The following TMEM201 variants were observed in gnomAD, a reference collection of about 807,000 sequenced individuals.
The protein encoded by TMEM201 is RP13-15M17.2.
TMEM201 carries 26 observed loss-of-function variants against 63.4 expected under a neutral mutation model. That is an observed-to-expected ratio of 0.41 (90% confidence interval 0.30 to 0.57). The LOEUF is 0.57. Among genes scored for constraint, TMEM201 ranks in the 20% least tolerant of loss-of-function variants. TMEM201 has a pLI of 0.29. For synonymous variants in TMEM201, 417 were observed against 421.6 expected, an observed-to-expected ratio of 0.99 and a Z score of 0.14; for missense variants, 794 against 917.7, an observed-to-expected ratio of 0.87 and a Z score of 1.74.
Position 9,604,876 on chromosome 1 carries a change from ACCATCGCGCCTGG to A in TMEM201, c.1160+2607_1160+2619del. On this transcript the variant is annotated intron_variant, in intron 6 of 10. Transcript: ENST00000340381. This position sits in a 1 kb window ranked among gnomAD's most constrained non-coding sequence, Gnocchi z 4.1. ...GTCTAGTGACCCTCTCATCACTGTA[ACCATCGCGCCTGG>A]CCTAGATGTCGTGTTTTGGATGCTG... 1.0e-6 allele frequency: 1 copy of A among 985,912 alleles called. No homozygotes were observed. Among genetic ancestry groups the A allele is most frequent in the Non-Finnish European group, 1.2e-6 (1 of 829,978 alleles). The allele number at this position is 985,912 out of a possible 1,614,324, so 61.1% of individuals were successfully genotyped here.
intron 6 of TMEM201, chr1:9,602,486 C>A (rs1644165042): frequency 1.4e-6 from 2 of 1,426,670 alleles, no homozygotes; most frequent in East Asian, 5.1e-5. Flanking sequence ...CACCAGCCAT[C>A]CCCGAGTGCC....
intron 1 of TMEM201, among the ~76,000 whole-genome samples, chr1:9,590,026 G>T (rs1189094693): frequency 6.6e-6 from 1 of 152,184 alleles, no homozygotes; most frequent in Non-Finnish European, 1.5e-5. Context: ...TCTCCTCCAG[G>T]GGGGAAACGG....
Position 9,603,014 on chromosome 1 carries a change from ACAGG to A in TMEM201, c.1160+746_1160+749del. 4 of 985,524 alleles carry A rather than the reference ACAGG, an allele frequency of 4.1e-6. No homozygotes were observed. The highest frequency in any genetic ancestry group is 4.8e-6 in the Non-Finnish European group (4 of 830,016). 61.0% of individuals were successfully genotyped at this position (985,524 alleles called of 1,614,324 possible). The stretch of plus-strand genomic sequence containing the variant: ...TTTGGGGAGCGAGACCCCACCTGAG[ACAGG>A]CAGTAGGAGCCTGTGCTGACCTTGG... On this transcript the variant is annotated intron_variant, in intron 6 of 10. Transcript: ENST00000340381. The surrounding 1 kb of genome is among the most constrained non-coding windows in gnomAD (Gnocchi z 4.5).
intron 1 of TMEM201, among the ~76,000 whole-genome samples, chr1:9,592,918 T>G (rs1385000247): frequency 6.6e-6 from 1 of 152,190 alleles, no homozygotes; most frequent in Non-Finnish European, 1.5e-5. Context: ...CTGGAACCGT[T>G]GTGGGCAGGG....
chr1:9,602,188 C>A lies in TMEM201; in HGVS notation c.1076C>A (p.Thr359Asn), dbSNP rs752870796. Residue 359 changes from threonine to asparagine, a missense_variant, in exon 6 of 11, where the codon ACC (threonine) becomes AAC (asparagine). Transcript: ENST00000340381. ...TGGCTAGACACGCTCAAGTTCAGCA[C>A]CACATCTTTGTGCTGCCTGGTTGGC... ...PSWLDTLKFS[T>N]TSLCCLVGFT... 1 of 1,613,230 alleles carries A rather than the reference C, an allele frequency of 6.2e-7. No individual in the cohort carries two copies. Among genetic ancestry groups the A allele is most frequent in the East Asian group, 2.2e-5 (1 of 44,878 alleles).
chr1:9,610,879 G>C lies in TMEM201; in HGVS notation c.1765+74G>C, dbSNP rs534098803. 4,065 of 1,491,678 alleles carry C rather than the reference G, an allele frequency of 2.7e-3. 38 individuals carry two copies. Among genetic ancestry groups the C allele is most frequent in the South Asian group, 0.02 (1,513 of 77,272 alleles). The allele number at this position is 1,491,678 out of a possible 1,614,324, so 92.4% of individuals were successfully genotyped here. A position where few individuals can be genotyped will look rare whatever the true frequency, so the allele number is the denominator to read the frequency against. On this transcript the variant is annotated intron_variant, in intron 9 of 10. Coordinates refer to ENST00000340381, the MANE Select transcript of TMEM201 (RefSeq NM_001130924.3). The surrounding 1 kb of genome is among the most constrained non-coding windows in gnomAD (Gnocchi z 4.9). The stretch of plus-strand genomic sequence containing the variant: ...CAAGAGGCCTGGCTGTGCGGCGGTG[G>C]GGGGGCTCATCCTTGCTCTGACTCC...
rs1025715369 is a variant in TMEM201 at position 9,604,937 on chromosome 1, G to A, written c.1161-2620G>A. 2.0e-6 allele frequency: 2 copies of A among 985,740 alleles called. No individual in the cohort carries two copies. The highest frequency in any genetic ancestry group is 2.4e-6 in the Non-Finnish European group (2 of 829,966). The allele number at this position is 985,740 out of a possible 1,614,324, so 61.1% of individuals were successfully genotyped here. A position where few individuals can be genotyped will look rare whatever the true frequency, so the allele number is the denominator to read the frequency against. On this transcript the variant is annotated intron_variant, in intron 6 of 10. Transcript: ENST00000340381. This position sits in a 1 kb window ranked among gnomAD's most constrained non-coding sequence, Gnocchi z 4.1. ...CTGTGTTTTCAATAAATGCCTCTGG[G>A]GCCCTGCTTTTACCCGCTGGCGTCA...
intron 1 of TMEM201, among the ~76,000 whole-genome samples, chr1:9,591,534 G>A (rs966649196): frequency 2.6e-5 from 4 of 152,250 alleles, no homozygotes; most frequent in Admixed American, 6.5e-5. Flanking sequence ...TCCCCTGGAC[G>A]CTGCTGCTCG....
chr1:9,601,812 C>T (rs558656740), intron 5 of TMEM201, among the ~76,000 whole-genome samples: 6 of 152,292 alleles, frequency 3.9e-5, no homozygotes, highest in South Asian at 2.1e-4. Context: ...GCTGTGTCCC[C>T]GTCGCCCCTG....
Position 9,610,471 on chromosome 1 carries a change from G to A in TMEM201, c.1466-35G>A, listed in dbSNP as rs140667569. On this transcript the variant is annotated intron_variant, in intron 8 of 10. Transcript: ENST00000340381. This position sits in a 1 kb window ranked among gnomAD's most constrained non-coding sequence, Gnocchi z 4.9. Reference sequence around the variant, plus strand: ...GCATTGTAGCGTTGCAGTGACAGGAGCCCACGTTCACATCATCTTCCTCCC... The same window carrying A: ...GCATTGTAGCGTTGCAGTGACAGGAACCCACGTTCACATCATCTTCCTCCC... The A allele has an allele frequency of 6.9e-3, 10,159 of 1,477,054 alleles. 43 individuals are homozygous for A. The highest frequency in any genetic ancestry group is 7.9e-3 in the Non-Finnish European group (8,758 of 1,109,276). 91.5% of individuals were successfully genotyped at this position (1,477,054 alleles called of 1,614,324 possible). A position where few individuals can be genotyped will look rare whatever the true frequency, so the allele number is the denominator to read the frequency against.
chr1:9,599,841 GC>G (rs1644102469), intron 4 of TMEM201, among the ~76,000 whole-genome samples: 1 of 150,316 alleles, frequency 6.7e-6, no homozygotes, highest in African/African-American at 2.4e-5. Context: ...CTCGTGATCC[GC>G]CCGCCTCAGC....
At chr1:9,594,235 C>T (rs562023341) in intron 1 of TMEM201, among the ~76,000 whole-genome samples, 3 of 152,350 alleles carry the variant, frequency 2.0e-5, no homozygotes, top group Admixed American at 6.5e-5. Context: ...TGGCTGGCTC[C>T]GTTTCGTCGC....
In TMEM201 at chr1:9,597,091, G is replaced by A. The variant is rs574356573; in HGVS notation, c.429+38G>A. On this transcript the variant is annotated intron_variant, in intron 3 of 10. Transcript: ENST00000340381. ...TGGGAGGGCAGGGGTCCTGGCTGGG[G>A]CCAGGGATGCTTAGAGCAGCCGGGG... 3 of 1,573,366 alleles carry A rather than the reference G, an allele frequency of 1.9e-6. No individual in the cohort carries two copies. The African/African-American group carries it at 4.0e-5, about 21-fold the overall frequency.
Position 9,604,397 on chromosome 1 carries a change from G to A in TMEM201, c.1160+2125G>A. 1.0e-6 allele frequency: 1 copy of A among 985,418 alleles called. No individual in the cohort carries two copies. Among genetic ancestry groups the A allele is most frequent in the Non-Finnish European group, 1.2e-6 (1 of 829,928 alleles). The allele number at this position is 985,418 out of a possible 1,614,324, so 61.0% of individuals were successfully genotyped here. A position where few individuals can be genotyped will look rare whatever the true frequency, so the allele number is the denominator to read the frequency against. ...ATTCCTGCCTTTCGTAGAGTTTTGT[G>A]TGACTTTTTAAATTATTCATGTGTC... is the stretch of plus-strand genomic sequence containing the variant. On this transcript the variant is annotated intron_variant, in intron 6 of 10. Coordinates refer to ENST00000340381, the MANE Select transcript of TMEM201 (RefSeq NM_001130924.3). This position sits in a 1 kb window ranked among gnomAD's most constrained non-coding sequence, Gnocchi z 4.1.
chr1:9,595,913 T>C lies in TMEM201; in HGVS notation c.137T>C (p.Val46Ala). Residue 46 changes from valine (V) to alanine (A), a missense_variant, in exon 2 of 11, where the codon GTC becomes GCC. Transcript: ENST00000340381. ...ARRMKPTHTM[V>A]NCWFCNQDTL... Reference sequence around the variant, plus strand: ...AGGATGAAGCCAACGCACACGATGGTCAACTGCTGGTTCTGCAACCAGGAT... The same window carrying C: ...AGGATGAAGCCAACGCACACGATGGCCAACTGCTGGTTCTGCAACCAGGAT... The C allele has an allele frequency of 6.2e-7, 1 of 1,613,576 alleles. No individual in the cohort carries two copies. The highest frequency in any genetic ancestry group is 8.5e-7 in the Non-Finnish European group (1 of 1,179,986).
intron 3 of TMEM201, among the ~76,000 whole-genome samples, chr1:9,597,730 A>T (rs975439116): frequency 6.6e-6 from 1 of 151,974 alleles, no homozygotes; most frequent in Non-Finnish European, 1.5e-5. Context: ...CCTGGGAGGG[A>T]GGGAGAACAG....
At chr1:9,611,615 C>A in intron 9 of TMEM201, 138 bp from the exon 10 acceptor site, 3 of 1,120,270 alleles carry the variant, frequency 2.7e-6, no homozygotes, top group Non-Finnish European at 3.9e-6. Context: ...CCCCCACTGT[C>A]CAGGGTGGAT....
intron 2 of TMEM201, among the ~76,000 whole-genome samples, chr1:9,596,583 G>A (rs771552962): frequency 2.6e-5 from 4 of 152,204 alleles, no homozygotes; most frequent in Admixed American, 6.5e-5. Flanking sequence ...GGGCTCTGAG[G>A]ACAGATGCTG....
chr1:9,609,929 C>CTAAGTGGG lies in TMEM201; in HGVS notation c.1465+19_1465+26dup, dbSNP rs1644298277. ...TGTTTCAGGTGAGGAAGACAGAGAGCTAAGTGGGGGACGGGGCAACATGAA... is the reference window on the plus strand; with the variant it reads ...TGTTTCAGGTGAGGAAGACAGAGAGCTAAGTGGGTAAGTGGGGGACGGGGCAACATGAA... On this transcript the variant is annotated intron_variant, in intron 8 of 10. Transcript: ENST00000340381. The CTAAGTGGG allele has an allele frequency of 1.3e-6, 2 of 1,550,662 alleles. No individual in the cohort carries two copies. The highest frequency in any genetic ancestry group is 1.7e-6 in the Non-Finnish European group (2 of 1,146,450).
Sources: gnomAD v4.1 joint callset for allele counts (sites outside exome capture counted in the v4.1 genomes callset) on GRCh38, gnomAD v4.1.1 for gene constraint, Gnocchi (gnomAD v3.1) non-coding constraint, MANE v1.5 for transcripts, NCBI Gene and HGNC (gene_info 2026-07-23, HGNC 2026-07-21) for gene names.